Variants in ZBTB40 observed in about 807,000 individuals in gnomAD.
ZBTB40 encodes the protein zinc finger and BTB domain-containing protein 40.
In ZBTB40, 60 loss-of-function variants were observed where a neutral mutation model predicts 117.5. The ratio of observed to expected loss-of-function variants is 0.51; its 90% CI spans 0.41 to 0.63. ZBTB40 has a LOEUF of 0.63. ZBTB40 is among the 30% of genes least tolerant of loss of function. The pLI is 0.00. For missense variants in ZBTB40, 1,287 were observed against 1,498.5 expected (o/e 0.86, Z 2.33); for synonymous variants, 525 against 577.1 (o/e 0.91, Z 1.29).
chr1:22,516,742 T>A (rs1174080238), intron 12 of ZBTB40, among the ~76,000 whole-genome samples: 1 of 152,160 alleles, frequency 6.6e-6, no homozygotes, highest in South Asian at 2.1e-4. Flanking sequence ...ATGCCAGTTC[T>A]CCAGACTTGT....
intron 13 of ZBTB40, among the ~76,000 whole-genome samples, chr1:22,518,104 C>T (rs938718216): frequency 3.3e-5 from 5 of 152,194 alleles, no homozygotes; most frequent in African/African-American, 9.7e-5. Context: ...ATTACACCAT[C>T]GGGAAATCAC....
intron 1 of ZBTB40, among the ~76,000 whole-genome samples, chr1:22,436,305 G>A (rs7549390): frequency 0.98 from 148,795 of 152,168 alleles, 72,838 homozygotes; most frequent in East Asian, 1. Flanking sequence ...AGGTCAGGAG[G>A]TCGAGACCAT....
intron 1 of ZBTB40, among the ~76,000 whole-genome samples, chr1:22,469,481 G>A (rs570943665): frequency 1.3e-5 from 2 of 152,168 alleles, no homozygotes; most frequent in South Asian, 2.1e-4. Context: ...CATTGCACCC[G>A]GCTATATTAA....
upstream of ZBTB40, among the ~76,000 whole-genome samples, chr1:22,451,183 C>G (rs1238852437): frequency 6.6e-6 from 1 of 152,232 alleles, no homozygotes; most frequent in Non-Finnish European, 1.5e-5. Context: ...CCACTGCGCC[C>G]CACCAGCGCC....
chr1:22,511,320 C>A lies in ZBTB40; in HGVS notation c.1975C>A (p.Pro659Thr), dbSNP rs1557517247. 6.2e-7 allele frequency: 1 copy of A among 1,614,048 alleles called. No individual in the cohort carries two copies. The highest frequency in any genetic ancestry group is 2.2e-5 in the East Asian group (1 of 44,864). ...SVHKSFPGLQPVMQELAYIGV... is the reference protein window; with the variant it reads ...SVHKSFPGLQTVMQELAYIGV... ...CCACAAATCTTTTCCAGGCCTGCAG[C>A]CTGTCATGCAGGAGTTGGCATACAT... Residue 659 changes from proline (P) to threonine (T), a missense_variant, in exon 10 of 18, where the codon CCT becomes ACT. Coordinates refer to ENST00000375647, the MANE Select transcript of ZBTB40 (RefSeq NM_014870.4).
Position 22,529,102 on chromosome 1 carries a change from C to T in ZBTB40, c.*2706C>T, listed in dbSNP as rs905433409. ...GTCTTGCTCTCTAGAGAAGCCCAGG[C>T]ATGGATCTTATAGGAAAACTTTCTG... On this transcript the variant is annotated 3_prime_UTR_variant, in exon 18 of 18. Transcript: ENST00000375647. 6.6e-6 allele frequency: 1 copy of T among 152,326 alleles called. No homozygotes were observed. Among genetic ancestry groups the T allele is most frequent in the African/African-American group, 2.4e-5 (1 of 41,434 alleles). The allele number at this position is 152,326 out of a possible 1,614,324, so 9.4% of individuals were successfully genotyped here. A position where few individuals can be genotyped will look rare whatever the true frequency, so the allele number is the denominator to read the frequency against.
chr1:22,431,970 T>C (rs969155901), intron 1 of ZBTB40, among the ~76,000 whole-genome samples: 12 of 63,978 alleles, frequency 1.9e-4, no homozygotes, highest in African/African-American at 4.4e-4. Flanking sequence ...TTCAATTTCT[T>C]ACTTTTCAGC....
At chr1:22,476,500 G>A (rs1294161415) in intron 1 of ZBTB40, among the ~76,000 whole-genome samples, 7 of 152,190 alleles carry the variant, frequency 4.6e-5, no homozygotes, top group African/African-American at 1.7e-4. Context: ...GATTACAGGC[G>A]TGAGCCACCA....
Position 22,521,630 on chromosome 1 carries a change from C to T in ZBTB40, c.3183C>T (p.His1061=), listed in dbSNP as rs1466712346. ...CDKTFPNTIE[H]KKHIKAEHAD... ...AAACCTTCCCCAACACCATTGAGCACAAGAAGCACATCAAAGCAGAACATG... is the reference window on the plus strand; with the variant it reads ...AAACCTTCCCCAACACCATTGAGCATAAGAAGCACATCAAAGCAGAACATG... The change falls in exon 15 of 18, where the codon CAC becomes CAT. Residue 1061 remains histidine, a synonymous_variant. Coordinates refer to ENST00000375647, the MANE Select transcript of ZBTB40 (RefSeq NM_014870.4). The T allele has an allele frequency of 6.2e-7, 1 of 1,614,226 alleles. No individual in the cohort carries two copies. Among genetic ancestry groups the T allele is most frequent in the Non-Finnish European group, 8.5e-7 (1 of 1,180,042 alleles).
intron 1 of ZBTB40, among the ~76,000 whole-genome samples, chr1:22,489,579 CT>C (rs1468863352): frequency 1.3e-5 from 2 of 152,182 alleles, no homozygotes; most frequent in African/African-American, 4.8e-5. Context: ...TCTCTTGGTC[CT>C]TCAAAGCTCC....
chr1:22,456,886 G>A (rs943040288), intron 1 of ZBTB40, among the ~76,000 whole-genome samples: 5 of 152,234 alleles, frequency 3.3e-5, no homozygotes, highest in African/African-American at 2.4e-5. Context: ...GAGGAAAGGA[G>A]GAGGTAGTGG....
At chr1:22,431,380 G>GTATA (rs1299801234) in intron 1 of ZBTB40, among the ~76,000 whole-genome samples, 3 of 15,240 alleles carry the variant, frequency 2.0e-4, no homozygotes, top group Non-Finnish European at 5.8e-4. Flanking sequence ...GTGTGTGTGT[G>GTATA]TGTGTATATA....
chr1:22,453,302 G>GT (rs760676727), intron 1 of ZBTB40, among the ~76,000 whole-genome samples: 2 of 152,126 alleles, frequency 1.3e-5, no homozygotes, highest in Non-Finnish European at 2.9e-5. Context: ...TTCATTAGTG[G>GT]TTTAACAAAT....
chr1:22,506,891 T>G (rs1639089040), intron 6 of ZBTB40, among the ~76,000 whole-genome samples: 1 of 152,238 alleles, frequency 6.6e-6, no homozygotes, highest in Non-Finnish European at 1.5e-5. Context: ...CATGCCAATA[T>G]TAACACCTTG....
intron 1 of ZBTB40, among the ~76,000 whole-genome samples, chr1:22,455,643 A>G (rs1259332144): frequency 6.6e-6 from 1 of 152,190 alleles, no homozygotes; most frequent in African/African-American, 2.4e-5. Context: ...GTTGGGTTCC[A>G]GTAAAGAGCA....
intron 12 of ZBTB40, among the ~76,000 whole-genome samples, chr1:22,514,379 C>T (rs543759877): frequency 6.6e-6 from 1 of 152,290 alleles, no homozygotes; most frequent in African/African-American, 2.4e-5. Context: ...TTGTCCCACT[C>T]AGTTGTGAAA....
At chr1:22,509,537 G>A (rs1343043417) in intron 9 of ZBTB40, among the ~76,000 whole-genome samples, 2 of 152,204 alleles carry the variant, frequency 1.3e-5, no homozygotes, top group East Asian at 1.9e-4. Context: ...TAGTGGAGAC[G>A]GGGTTTCGCC....
intron 1 of ZBTB40, among the ~76,000 whole-genome samples, chr1:22,439,819 C>G (rs1640711157): frequency 6.6e-6 from 1 of 152,084 alleles, no homozygotes; most frequent in Non-Finnish European, 1.5e-5. Context: ...ATTTGGAGAC[C>G]ATTAATATTC....
Position 22,508,746 on chromosome 1 carries a change from C to T in ZBTB40, c.1699+15C>T, listed in dbSNP as rs1470273030. On this transcript the variant is annotated intron_variant, in intron 8 of 17. Coordinates refer to ENST00000375647, the MANE Select transcript of ZBTB40 (RefSeq NM_014870.4). Reference sequence around the variant, plus strand: ...CTTCCGGGCAGGTAAGTTACCTGCCCTCTGGGGGGGTTTTGCCCCCACTAG... The same window carrying T: ...CTTCCGGGCAGGTAAGTTACCTGCCTTCTGGGGGGGTTTTGCCCCCACTAG... 6.2e-7 allele frequency: 1 copy of T among 1,612,180 alleles called. No individual in the cohort carries two copies. The highest frequency in any genetic ancestry group is 1.7e-5 in the Admixed American group (1 of 59,916).
Sources: allele counts gnomAD v4.1 joint callset (sites outside exome capture counted in the v4.1 genomes callset), GRCh38; gene constraint gnomAD v4.1.1; transcripts MANE v1.5; gene names NCBI Gene and HGNC (gene_info 2026-07-23, HGNC 2026-07-21).